Variants in STS observed in about 807,000 individuals in gnomAD.
The protein encoded by STS is steroid sulfatase, also known as steryl-sulfatase.
STS carries 7 observed loss-of-function variants against 26.8 expected under a neutral mutation model. The observed-to-expected ratio is 0.26, with a 90% CI of 0.15 to 0.49. The LOEUF is 0.49. STS is among the 20% of genes least tolerant of loss of function. The pLI is 0.98. For missense variants in STS, 434 were observed against 465.6 expected, an observed-to-expected ratio of 0.93 and a Z score of 0.63; for synonymous variants, 199 against 189.4, an observed-to-expected ratio of 1.05 and a Z score of -0.42.
intron 2 of STS, among the ~76,000 whole-genome samples, chrX:7,197,220 T>G (rs1339343281): frequency 5.4e-5 from 6 of 111,970 alleles, no homozygotes; most frequent in African/African-American, 1.9e-4. Context: ...AGTTTCATAC[T>G]ATTTCTTGTG....
intron 1 of STS, among the ~76,000 whole-genome samples, chrX:7,189,812 C>T (rs1456437388): frequency 9.0e-6 from 1 of 111,308 alleles, no homozygotes; most frequent in Non-Finnish European, 1.9e-5. Flanking sequence ...GTAATAATTG[C>T]TATCTGGGGG....
chrX:7,247,694 G>A (rs770584939), intron 2 of STS, among the ~76,000 whole-genome samples: 1 of 111,892 alleles, frequency 8.9e-6, no homozygotes, highest in African/African-American at 3.2e-5. Context: ...CCCAGCAATG[G>A]CTGGTAGAGT....
chrX:7,148,118 G>A (rs1319936014), intron 1 of STS, 35 bp downstream of exon 1: 2 of 1,124,038 alleles, frequency 1.8e-6, no homozygotes, highest in Non-Finnish European at 2.4e-6. Context: ...CGCCATGGTG[G>A]CGCCTTCTGG....
chrX:7,152,758 T>G (rs779027772), intron 1 of STS, among the ~76,000 whole-genome samples: 14 of 112,739 alleles, frequency 1.2e-4, no homozygotes, highest in Non-Finnish European at 2.1e-4. Context: ...ATGTACATAT[T>G]AAGGTAAAGT....
intron 8 of STS, among the ~76,000 whole-genome samples, chrX:7,308,999 C>T (rs1926352824): frequency 1.8e-5 from 2 of 111,783 alleles, no homozygotes; most frequent in Admixed American, 1.9e-4. Context: ...CTTCAAAGGA[C>T]TTTGCTATTT....
chrX:7,319,927 T>A (rs989957535), intron 8 of STS, among the ~76,000 whole-genome samples: 2 of 97,434 alleles, frequency 2.1e-5, no homozygotes, highest in South Asian at 4.3e-4. Flanking sequence ...TGCAACTATT[T>A]TATATATATA....
intron 1 of STS, 126 bp downstream of exon 1, chrX:7,148,209 G>A: frequency 2.0e-6 from 1 of 501,900 alleles, no homozygotes; most frequent in East Asian, 5.0e-5. Flanking sequence ...CGCGCGCCCG[G>A]GGTCGCTCTG....
intron 2 of STS, among the ~76,000 whole-genome samples, chrX:7,236,008 A>G (rs1205707601): frequency 3.6e-5 from 4 of 112,171 alleles, no homozygotes; most frequent in Non-Finnish European, 7.5e-5. Flanking sequence ...ATACCCAAAT[A>G]AAGAAATACC....
chrX:7,277,470 G>A (rs950838391), intron 7 of STS, among the ~76,000 whole-genome samples: 1 of 111,556 alleles, frequency 9.0e-6, no homozygotes, highest in Non-Finnish European at 1.9e-5. Context: ...GTTCTGTTTT[G>A]TTTTAAATCA....
chrX:7,298,329 A>G (rs1248166086), intron 7 of STS, among the ~76,000 whole-genome samples: 1 of 111,952 alleles, frequency 8.9e-6, no homozygotes, highest in African/African-American at 3.2e-5. Context: ...GATAAATCAT[A>G]TGCTTTCCAA....
At chrX:7,228,877 C>T (rs1921934691) in intron 2 of STS, among the ~76,000 whole-genome samples, 1 of 112,483 alleles carries the variant, frequency 8.9e-6, no homozygotes, top group Admixed American at 9.4e-5. Flanking sequence ...TTCAAGGTCT[C>T]TGATTCTTTT....
At chrX:7,156,649 A>G (rs1189241088) in intron 1 of STS, among the ~76,000 whole-genome samples, 3 of 112,130 alleles carry the variant, frequency 2.7e-5, no homozygotes, top group Non-Finnish European at 3.8e-5. Context: ...AAAGAAAGGT[A>G]GTTTACTAGG....
chrX:7,150,758 C>G (rs1932996618), intron 1 of STS, among the ~76,000 whole-genome samples: 1 of 109,422 alleles, frequency 9.1e-6, no homozygotes, highest in Admixed American at 9.7e-5. Context: ...AAAAAACAAA[C>G]TGAATGGTGA....
chrX:7,342,670 A>T (rs1928347918), intron 10 of STS, among the ~76,000 whole-genome samples: 1 of 112,398 alleles, frequency 8.9e-6, no homozygotes, highest in Non-Finnish European at 1.9e-5. Flanking sequence ...TCGATTATAT[A>T]TCAGCCAAGG....
chrX:7,199,795 A>G (rs1222501481), intron 2 of STS, among the ~76,000 whole-genome samples: 1 of 111,392 alleles, frequency 9.0e-6, no homozygotes, highest in African/African-American at 3.3e-5. Flanking sequence ...TTTGCTTTTT[A>G]AAATAAGGCC....
chrX:7,309,486 C>A (rs1175200578), intron 8 of STS, among the ~76,000 whole-genome samples: 1 of 110,421 alleles, frequency 9.1e-6, no homozygotes, highest in Non-Finnish European at 1.9e-5. Context: ...TACACCAAAC[C>A]CCCATGACAT....
chrX:7,177,044 C>G (rs964776385), intron 1 of STS, among the ~76,000 whole-genome samples: 2 of 111,825 alleles, frequency 1.8e-5, no homozygotes, highest in African/African-American at 6.5e-5. Context: ...CTTACCTCAT[C>G]ATACTGGCAA....
intron 1 of STS, among the ~76,000 whole-genome samples, chrX:7,160,296 T>C (rs1158786503): frequency 8.9e-6 from 1 of 112,419 alleles, no homozygotes; most frequent in Non-Finnish European, 1.9e-5. Context: ...AATTCTCTTC[T>C]GTGGGACTGA....
chrX:7,250,123 C>T (rs1324823228), intron 2 of STS, among the ~76,000 whole-genome samples: 1 of 109,930 alleles, frequency 9.1e-6, no homozygotes, highest in African/African-American at 3.3e-5. Context: ...GAGATAGGAA[C>T]TTACATATTT....
Sources: allele counts gnomAD v4.1 joint callset (sites outside exome capture counted in the v4.1 genomes callset), GRCh38; gene constraint gnomAD v4.1.1; transcripts MANE v1.5; gene names NCBI Gene and HGNC (gene_info 2026-07-23, HGNC 2026-07-21).